Variants in PRRC1 observed in about 807,000 individuals in gnomAD.
PRRC1 encodes protein PRRC1.
PRRC1 carries 39 observed loss-of-function variants against 40.7 expected under a neutral mutation model. The ratio of observed to expected loss-of-function variants is 0.96; its 90% CI spans 0.74 to 1.25. PRRC1 has a LOEUF of 1.25. Among genes scored for constraint, PRRC1 ranks in the 50% most tolerant of loss-of-function variants. PRRC1 has a pLI of 0.00. For missense variants in PRRC1, 573 were observed against 548.3 expected (o/e 1.05, Z -0.45); for synonymous variants, 175 against 193.3 (o/e 0.91, Z 0.79).
intron 7 of PRRC1, among the ~76,000 whole-genome samples, chr5:127,544,730 G>T (rs1446879809): frequency 6.6e-6 from 1 of 152,196 alleles, no homozygotes; most frequent in Non-Finnish European, 1.5e-5. Context: ...TAAGCCTGTT[G>T]GAAAAGCACA....
intron 2 of PRRC1, 177 bp downstream of exon 2, chr5:127,523,759 G>A (rs993811458): frequency 2.4e-6 from 1 of 422,110 alleles, no homozygotes; most frequent in Non-Finnish European, 4.1e-6. Flanking sequence ...TGTATTTAAA[G>A]TAAGAAAACA....
chr5:127,553,849 G>GAAC lies in PRRC1; in HGVS notation c.*1935_*1936insCAA. The GAAC allele has an allele frequency of 1.3e-6, 2 of 1,535,788 alleles. No homozygotes were observed. The highest frequency in any genetic ancestry group is 1.7e-6 in the Non-Finnish European group (2 of 1,146,664). ...AGCAGTGGCAGTCCATGGCTTGGTT[G>GAAC]AAGCTAGAAATTTTCCTGCCCCTGG... On this transcript the variant is annotated 3_prime_UTR_variant, in exon 9 of 9. Transcript: ENST00000296666.
Position 127,552,584 on chromosome 5 carries a change from A to G in PRRC1, c.*668A>G, listed in dbSNP as rs1250081669. On this transcript the variant is annotated 3_prime_UTR_variant, in exon 9 of 9. Coordinates refer to ENST00000296666, the MANE Select transcript of PRRC1 (RefSeq NM_130809.5). ...TTTTGGCATTTCCCAGATTTATACT[A>G]TGAACATTGGGGTAATACATTTTAT... The G allele has an allele frequency of 4.1e-6, 4 of 984,180 alleles. No individual in the cohort carries two copies. The highest frequency in any genetic ancestry group is 5.2e-4 in the Middle Eastern group (1 of 1,934). 61.0% of individuals were successfully genotyped at this position (984,180 alleles called of 1,614,324 possible). A position where few individuals can be genotyped will look rare whatever the true frequency, so the allele number is the denominator to read the frequency against.
chr5:127,534,580 C>T (rs1393286900), intron 6 of PRRC1, among the ~76,000 whole-genome samples: 3 of 152,146 alleles, frequency 2.0e-5, no homozygotes, highest in Non-Finnish European at 4.4e-5. Context: ...GGATTCCACA[C>T]TTTAGTTTTT....
intron 5 of PRRC1, among the ~76,000 whole-genome samples, chr5:127,532,321 A>G (rs1279992342): frequency 6.6e-6 from 1 of 152,092 alleles, no homozygotes; most frequent in Non-Finnish European, 1.5e-5. Flanking sequence ...GTTGGCCAGG[A>G]TGATCTCGAT....
At chr5:127,536,829 A>C (rs1767913765) in intron 6 of PRRC1, among the ~76,000 whole-genome samples, 1 of 152,042 alleles carries the variant, frequency 6.6e-6, no homozygotes, top group African/African-American at 2.4e-5. Flanking sequence ...CATTGAAACT[A>C]ATATATAAGA....
chr5:127,536,590 A>T (rs1283056828), intron 6 of PRRC1, among the ~76,000 whole-genome samples: 1 of 152,082 alleles, frequency 6.6e-6, no homozygotes, highest in Non-Finnish European at 1.5e-5. Context: ...AATGGTGAGT[A>T]CATTTCACTG....
intron 7 of PRRC1, among the ~76,000 whole-genome samples, chr5:127,545,587 G>A (rs1469885723): frequency 1.4e-5 from 2 of 144,790 alleles, no homozygotes; most frequent in Non-Finnish European, 3.0e-5. Context: ...ATTGAACAAT[G>A]AGAACACATG....
At chr5:127,532,359 G>A (rs535728460) in intron 5 of PRRC1, among the ~76,000 whole-genome samples, 27 of 152,186 alleles carry the variant, frequency 1.8e-4, no homozygotes, top group African/African-American at 6.3e-4. Flanking sequence ...CTCCCGCCTA[G>A]GCCTCCCAAA....
intron 8 of PRRC1, chr5:127,548,414 GT>G (rs924994567): frequency 1.3e-5 from 2 of 159,606 alleles, no homozygotes; most frequent in Non-Finnish European, 2.7e-5. Flanking sequence ...TATCCACACA[GT>G]TTCCAGGAGA....
At chr5:127,524,505 C>T (rs770618959) in intron 2 of PRRC1, 26 bp from the exon 3 acceptor site, 4 of 1,571,608 alleles carry the variant, frequency 2.5e-6, no homozygotes, top group Non-Finnish European at 2.6e-6. Flanking sequence ...TAATTCTGTG[C>T]TTTTATCCTC....
Position 127,554,752 on chromosome 5 carries a change from C to G in PRRC1, c.*2836C>G, listed in dbSNP as rs1580960077. 2 of 146,378 alleles carry G rather than the reference C, an allele frequency of 1.4e-5. No homozygotes were observed. The highest frequency in any genetic ancestry group is 1.3e-4 in the Admixed American group (2 of 15,006). 9.1% of individuals were successfully genotyped at this position (146,378 alleles called of 1,614,324 possible). On this transcript the variant is annotated 3_prime_UTR_variant, in exon 9 of 9. Transcript: ENST00000296666. ...AAAGGTAGTGTGATAGTATAAGTATCTAAGTGCAGATGAAAGTGTGTTATA... is the reference window on the plus strand; with the variant it reads ...AAAGGTAGTGTGATAGTATAAGTATGTAAGTGCAGATGAAAGTGTGTTATA...
intron 6 of PRRC1, 197 bp downstream of exon 6, chr5:127,533,983 T>G (rs1326523255): frequency 1.5e-6 from 1 of 656,246 alleles, no homozygotes; most frequent in African/African-American, 1.8e-5. Context: ...AGATAGGTTT[T>G]GATTATTGTG....
chr5:127,531,934 G>A (rs1008521259), intron 5 of PRRC1, among the ~76,000 whole-genome samples: 4 of 151,792 alleles, frequency 2.6e-5, no homozygotes, highest in Admixed American at 1.3e-4. Context: ...GTGTAACACC[G>A]AAGGGGAAAA....
intron 8 of PRRC1, 182 bp downstream of exon 8, chr5:127,548,103 TC>T: frequency 3.1e-6 from 2 of 644,326 alleles, no homozygotes; most frequent in East Asian, 5.4e-5. Context: ...TTTAGTACCT[TC>T]CTCCTTTTGT....
chr5:127,542,804 C>T (rs1238346083), intron 7 of PRRC1, among the ~76,000 whole-genome samples: 1 of 151,024 alleles, frequency 6.6e-6, no homozygotes, highest in Non-Finnish European at 1.5e-5. Context: ...ATACAGCACA[C>T]TGATGGGTCT....
chr5:127,530,251 C>T (rs767070914), intron 4 of PRRC1, 43 bp from the exon 5 acceptor site: 3 of 1,536,804 alleles, frequency 2.0e-6, no homozygotes, highest in East Asian at 2.3e-5. Flanking sequence ...CATGGTGTTC[C>T]TCACTTAGAG....
At chr5:127,533,005 A>C (rs995267066) in intron 5 of PRRC1, among the ~76,000 whole-genome samples, 6 of 152,146 alleles carry the variant, frequency 3.9e-5, no homozygotes, top group Non-Finnish European at 5.9e-5. Flanking sequence ...AGTAATTGAA[A>C]AATTAAAAAT....
chr5:127,544,264 G>A (rs1035444042), intron 7 of PRRC1, among the ~76,000 whole-genome samples: 43 of 152,212 alleles, frequency 2.8e-4, no homozygotes, highest in African/African-American at 7.7e-4. Context: ...CCGGCCAGCC[G>A]TGTGAGGTGT....
Sources: gnomAD v4.1 joint callset for allele counts (sites outside exome capture counted in the v4.1 genomes callset) on GRCh38, gnomAD v4.1.1 for gene constraint, MANE v1.5 for transcripts, NCBI Gene and HGNC (gene_info 2026-07-23, HGNC 2026-07-21) for gene names.